The following PCDHGB4 variants were observed in gnomAD, a reference collection of about 807,000 sequenced individuals.
PCDHGB4 encodes the protein protocadherin gamma-B4.
In PCDHGB4, 38 loss-of-function variants were observed where a neutral mutation model predicts 60.5. The observed-to-expected ratio is 0.63, with a 90% CI of 0.48 to 0.82. The LOEUF (loss-of-function observed/expected upper bound fraction) is 0.82. Ranked by LOEUF, PCDHGB4 falls within the 40% of genes least tolerant of loss-of-function variation. PCDHGB4 has a pLI of 0.00. For missense variants in PCDHGB4, 1,109 were observed against 1,209.6 expected (o/e 0.92, Z 1.23); for synonymous variants, 456 against 509.7 (o/e 0.89, Z 1.42).
At chr5:141,420,469 T>C in intron 1 of PCDHGB4, 1 of 724,306 alleles carries the variant, frequency 1.4e-6, no homozygotes. Flanking sequence ...AAAGACATTT[T>C]AAAGCAAACT....
In PCDHGB4 at chr5:141,412,906, T is replaced by C. The variant is rs188124118; in HGVS notation, c.2397+22625T>C. ...ACAGAATAGTTTACTTTCCATTGCA[T>C]GTATCACTTGGGTGCAGTAACTTCT... On this transcript the variant is annotated intron_variant, in intron 1 of 3. Coordinates refer to ENST00000519479, the MANE Select transcript of PCDHGB4 (RefSeq NM_003736.4). 315 of 384,208 alleles carry C rather than the reference T, an allele frequency of 8.2e-4. 2 individuals carry two copies. Among genetic ancestry groups the C allele is most frequent in the African/African-American group, 5.6e-3 (272 of 48,326 alleles). The allele number at this position is 384,208 out of a possible 1,614,324, so 23.8% of individuals were successfully genotyped here. A position where few individuals can be genotyped will look rare whatever the true frequency, so the allele number is the denominator to read the frequency against.
Position 141,390,094 on chromosome 5 carries a change from T to G in PCDHGB4, c.2210T>G (p.Val737Gly). Residue 737 changes from valine to glycine, a missense_variant, in exon 1 of 4, where the codon GTT becomes GGT. Val to Gly is a moderately radical substitution (Grantham distance 109). This residue lies in a region of PCDHGB4 where 1,068 missense variants were observed against 1,089.9 expected (regional missense o/e 0.98). Transcript: ENST00000519479. ...CTCTGTGTTAAATCCGAATCCGTGG[T>G]TCCCCCCAACTACAGCGAGGGGACT... is the stretch of plus-strand genomic sequence containing the variant. ...PGLCVKSESVVPPNYSEGTLP... is the reference protein window; with the variant it reads ...PGLCVKSESVGPPNYSEGTLP... 2 of 1,614,048 alleles carry G rather than the reference T, an allele frequency of 1.2e-6. No individual in the cohort carries two copies. Among genetic ancestry groups the G allele is most frequent in the Non-Finnish European group, 1.7e-6 (2 of 1,179,892 alleles).
chr5:141,419,638 C>G, intron 1 of PCDHGB4: 1 of 1,612,456 alleles, frequency 6.2e-7, no homozygotes, highest in Non-Finnish European at 8.5e-7. Context: ...AGGTGGTGGC[C>G]GTGGACGCGG....
intron 1 of PCDHGB4, chr5:141,391,782 T>C (rs2092421963): frequency 6.6e-6 from 1 of 152,222 alleles, no homozygotes; most frequent in African/African-American, 2.4e-5. Flanking sequence ...GTCATTACTT[T>C]TTGCAGTTTT....
In PCDHGB4 at chr5:141,432,661, C is replaced by T; in HGVS notation, c.2397+42380C>T. ...TGCGCACGGCGCGAGCCCTGCTGGACAGAGACGCGCTCAAGCAGAGCCTCG... is the reference window on the plus strand; with the variant it reads ...TGCGCACGGCGCGAGCCCTGCTGGATAGAGACGCGCTCAAGCAGAGCCTCG... On this transcript the variant is annotated intron_variant, in intron 1 of 3. Transcript: ENST00000519479. This position sits in a 1 kb window ranked among gnomAD's most constrained non-coding sequence, Gnocchi z 6.0. 3.1e-6 allele frequency: 5 copies of T among 1,613,886 alleles called. No homozygotes were observed. In the South Asian group the frequency reaches 5.5e-5, roughly 18 times the overall value.
chr5:141,504,765 C>T lies in PCDHGB4; in HGVS notation c.2457-628C>T, dbSNP rs548234873. ...ATTGAATTTTAGAAATTTCTTCTCC[C>T]TGCTCCAGGGTCTCTTGGGGCCTCC... On this transcript the variant is annotated intron_variant, in intron 2 of 3. Transcript: ENST00000519479. Among the ~76,000 whole-genome samples, 4 of 152,156 alleles carry T rather than the reference C, an allele frequency of 2.6e-5. No homozygotes were observed. The South Asian group carries it at 8.3e-4, about 32-fold the overall frequency.
At chr5:141,393,525 A>G in intron 1 of PCDHGB4, 1 of 1,613,922 alleles carries the variant, frequency 6.2e-7, no homozygotes, top group Non-Finnish European at 8.5e-7. Context: ...TACAAATGAC[A>G]ATGCCCCGGT....
intron 1 of PCDHGB4, among the ~76,000 whole-genome samples, chr5:141,425,585 A>G (rs1270579511): frequency 6.6e-6 from 1 of 152,252 alleles, no homozygotes; most frequent in African/African-American, 2.4e-5. Flanking sequence ...GGCTAACTTT[A>G]TTCTGAATAT....
At chr5:141,428,058 G>A (rs752468507) in intron 1 of PCDHGB4, 4 of 1,609,140 alleles carry the variant, frequency 2.5e-6, no homozygotes, top group South Asian at 1.1e-5. Flanking sequence ...GGTGGTGGCG[G>A]TGGACGCAGA....
intron 1 of PCDHGB4, chr5:141,413,001 G>A (rs2095597089): frequency 1.7e-6 from 1 of 592,790 alleles, no homozygotes; most frequent in Non-Finnish European, 2.8e-6. Flanking sequence ...CGGATTCTCA[G>A]GGCTTCAACT....
At chr5:141,400,174 G>T in intron 1 of PCDHGB4, 1 of 1,614,076 alleles carries the variant, frequency 6.2e-7, no homozygotes, top group Non-Finnish European at 8.5e-7. Context: ...CCCCCAGGCT[G>T]AGCTGCAGTT....
chr5:141,423,811 T>G, intron 1 of PCDHGB4: 1 of 1,254,642 alleles, frequency 8.0e-7, no homozygotes, highest in Non-Finnish European at 1.0e-6. Flanking sequence ...ACATGTGAGT[T>G]TTACTTTGCC....
intron 1 of PCDHGB4, chr5:141,398,400 C>T: frequency 6.8e-7 from 1 of 1,465,224 alleles, no homozygotes; most frequent in Non-Finnish European, 9.5e-7. Context: ...GCAGGCTAGA[C>T]AGGGAGGAGA....
At position 141,431,007 on chromosome 5, in the gene PCDHGB4, G is replaced by C. The variant is rs149559471; in HGVS notation, c.2397+40726G>C. On this transcript the variant is annotated intron_variant, in intron 1 of 3. Transcript: ENST00000519479. This position sits in a 1 kb window ranked among gnomAD's most constrained non-coding sequence, Gnocchi z 4.8. Reference sequence around the variant, plus strand: ...TTCGCCCTGAATCCGCGCAGCGGCAGCTTGGTCACGGCGGGCAGGATAGAC... The same window carrying C: ...TTCGCCCTGAATCCGCGCAGCGGCACCTTGGTCACGGCGGGCAGGATAGAC... 10 of 1,614,050 alleles carry C rather than the reference G, an allele frequency of 6.2e-6. No homozygotes were observed. The highest frequency in any genetic ancestry group is 8.5e-6 in the Non-Finnish European group (10 of 1,180,018).
rs746913952 is a variant in PCDHGB4, at chr5:141,432,898, G to A, written c.2397+42617G>A. The A allele has an allele frequency of 1.2e-6, 2 of 1,614,174 alleles. No homozygotes were observed. Among genetic ancestry groups the A allele is most frequent in the South Asian group, 1.1e-5 (1 of 91,090 alleles). On this transcript the variant is annotated intron_variant, in intron 1 of 3. Transcript: ENST00000519479. This position sits in a 1 kb window ranked among gnomAD's most constrained non-coding sequence, Gnocchi z 6.0. ...TGGCCTTCGTCATCTTGCTGCTGGC[G>A]CTCAGGCTGCGGCGCTGGCACAAGT...
chr5:141,489,692 G>A lies in PCDHGB4; in HGVS notation c.2398-5115G>A. 1.9e-6 allele frequency: 3 copies of A among 1,614,128 alleles called. No individual in the cohort carries two copies. The highest frequency in any genetic ancestry group is 1.7e-6 in the Non-Finnish European group (2 of 1,179,980). On this transcript the variant is annotated intron_variant, in intron 1 of 3. Coordinates refer to ENST00000519479, the MANE Select transcript of PCDHGB4 (RefSeq NM_003736.4). The surrounding 1 kb of genome is among the most constrained non-coding windows in gnomAD (Gnocchi z 4.5). The stretch of plus-strand genomic sequence containing the variant: ...TCAGAATCAGCAGCATCTGGGGCAC[G>A]ATTCCCACTGGACAGTGCCCAGGAT...
rs563145930 is a variant in PCDHGB4 at position 141,392,984 on chromosome 5, GA to G, written c.2397+2705del. 408 of 1,613,914 alleles carry G rather than the reference GA, an allele frequency of 2.5e-4. 2 individuals carry two copies. In the African/African-American group the frequency reaches 4.6e-3, roughly 18 times the overall value. On this transcript the variant is annotated intron_variant, in intron 1 of 3. Transcript: ENST00000519479. The stretch of plus-strand genomic sequence containing the variant: ...CCAAGGACCTGGGGCTGGACCCCCG[GA>G]AGCTGGCGAAGCACGGAGTCCGTAT...
At chr5:141,455,534 A>G (rs985347185) in intron 1 of PCDHGB4, among the ~76,000 whole-genome samples, 1 of 152,178 alleles carries the variant, frequency 6.6e-6, no homozygotes, top group Non-Finnish European at 1.5e-5. Flanking sequence ...GACCAGGCAT[A>G]TCATTCACGT....
At chr5:141,495,719 C>T (rs929450759) in intron 2 of PCDHGB4, among the ~76,000 whole-genome samples, 12 of 152,150 alleles carry the variant, frequency 7.9e-5, no homozygotes, top group African/African-American at 2.4e-5. Context: ...AGTAACTACA[C>T]GGGACCCTTA....
Sources: gnomAD v4.1 joint callset for allele counts (sites outside exome capture counted in the v4.1 genomes callset) on GRCh38, gnomAD v4.1.1 for gene constraint, gnomAD v4.1.1 regional missense constraint, Gnocchi (gnomAD v3.1) non-coding constraint, MANE v1.5 for transcripts, NCBI Gene and HGNC (gene_info 2026-07-23, HGNC 2026-07-21) for gene names.